Variants in FGF14 observed in about 807,000 individuals in gnomAD.
The protein encoded by FGF14 is fibroblast growth factor 14.
In FGF14, 5 loss-of-function variants were observed where a neutral mutation model predicts 25.5. The observed-to-expected ratio is 0.20, with a 90% CI of 0.10 to 0.41. FGF14 has a LOEUF of 0.41. Among genes scored for constraint, FGF14 ranks in the 10% least tolerant of loss-of-function variants. The pLI is 1.00. For missense variants in FGF14, 222 were observed against 320.1 expected (o/e 0.69, Z 2.34); for synonymous variants, 138 against 118.3 (o/e 1.17, Z -1.08).
chr13:102,132,289 T>C lies in FGF14; in HGVS notation c.209-256993A>G, dbSNP rs138087089. On this transcript the variant is annotated intron_variant, in intron 1 of 4. Transcript: ENST00000376131. ...CATAACATTAAAAGAAGAAAGAAAA[T>C]ACAAAATATTTTCTACCACAGTACT... 2.0e-3 allele frequency among the ~76,000 whole-genome samples: 305 copies of C among 152,038 alleles called. 3 individuals are homozygous for C. Among genetic ancestry groups the C allele is most frequent in the African/African-American group, 7.1e-3 (294 of 41,460 alleles).
intron 1 of FGF14, among the ~76,000 whole-genome samples, chr13:102,377,534 C>CCA (rs2058069087): frequency 6.6e-6 from 1 of 152,050 alleles, no homozygotes; most frequent in South Asian, 2.1e-4. Context: ...AAGGGCCAGG[C>CCA]GCAGTGGCTC....
chr13:102,247,748 C>G (rs1023082563), intron 1 of FGF14, among the ~76,000 whole-genome samples: 4 of 152,014 alleles, frequency 2.6e-5, no homozygotes, highest in African/African-American at 7.2e-5. Context: ...GGTATATACC[C>G]AAAGGAAAAT....
chr13:101,829,643 T>A (rs750711516), intron 3 of FGF14, among the ~76,000 whole-genome samples: 12 of 152,052 alleles, frequency 7.9e-5, no homozygotes, highest in Non-Finnish European at 1.8e-4. Flanking sequence ...GGAAAACTGA[T>A]GACCCAGGGC....
intron 1 of FGF14, among the ~76,000 whole-genome samples, chr13:102,027,820 T>C (rs1259474253): frequency 6.6e-6 from 1 of 152,042 alleles, no homozygotes; most frequent in African/African-American, 2.4e-5. Flanking sequence ...TTTACCTGTA[T>C]TTATTCTAGG....
intron 3 of FGF14, among the ~76,000 whole-genome samples, chr13:101,777,406 G>A (rs2039193910): frequency 6.6e-6 from 1 of 152,084 alleles, no homozygotes; most frequent in South Asian, 2.1e-4. Flanking sequence ...AGCAGTCTTG[G>A]TAATATCATA....
At chr13:102,385,075 A>G (rs868554936) in intron 1 of FGF14, among the ~76,000 whole-genome samples, 2 of 152,218 alleles carry the variant, frequency 1.3e-5, no homozygotes, top group African/African-American at 4.8e-5. Flanking sequence ...ATGATATACG[A>G]TATGTTAAAA....
chr13:102,068,015 G>A (rs1247765364), intron 1 of FGF14, among the ~76,000 whole-genome samples: 1 of 152,096 alleles, frequency 6.6e-6, no homozygotes, highest in Non-Finnish European at 1.5e-5. Context: ...GACGTTTAAA[G>A]TGCTGAAGGA....
At chr13:101,966,454 T>TAA (rs1345428321) in intron 1 of FGF14, among the ~76,000 whole-genome samples, 1 of 150,136 alleles carries the variant, frequency 6.7e-6, no homozygotes, top group Non-Finnish European at 1.5e-5. Flanking sequence ...CCAGAACTGT[T>TAA]AGAGAATAAA....
chr13:101,839,225 T>A (rs1415122296), intron 3 of FGF14, among the ~76,000 whole-genome samples: 1 of 152,048 alleles, frequency 6.6e-6, no homozygotes, highest in East Asian at 1.9e-4. Flanking sequence ...TTCAAAACCT[T>A]TTATTAATTT....
chr13:101,818,762 CA>C (rs2041967116), intron 3 of FGF14, among the ~76,000 whole-genome samples: 1 of 152,048 alleles, frequency 6.6e-6, no homozygotes, highest in Non-Finnish European at 1.5e-5. Flanking sequence ...TTAAGATAAA[CA>C]AAGGTCTATT....
chr13:102,034,686 A>C (rs2041383018), intron 1 of FGF14, among the ~76,000 whole-genome samples: 1 of 152,118 alleles, frequency 6.6e-6, no homozygotes, highest in African/African-American at 2.4e-5. Flanking sequence ...ACAGAAAACA[A>C]TCTTACATCT....
intron 3 of FGF14, among the ~76,000 whole-genome samples, chr13:101,867,794 G>A (rs991898621): frequency 5.9e-5 from 9 of 151,766 alleles, no homozygotes; most frequent in Admixed American, 4.6e-4. Flanking sequence ...AATCCACAGC[G>A]CAGACTTCAT....
Position 101,714,887 on chromosome 13 carries a change from T to C in FGF14, c.*7944A>G. 3.7e-6 allele frequency: 1 copy of C among 267,122 alleles called. No individual in the cohort carries two copies. The highest frequency in any genetic ancestry group is 7.1e-6 in the Non-Finnish European group (1 of 140,810). 16.5% of individuals were successfully genotyped at this position (267,122 alleles called of 1,614,324 possible). On this transcript the variant is annotated 3_prime_UTR_variant, in exon 5 of 5. Coordinates refer to ENST00000376143, the MANE Select transcript of FGF14 (RefSeq NM_004115.4). Reference sequence around the variant, plus strand: ...CAACCATTTTACTTTGAACATGGTATAGGGAATGAAATATTCTTTTAAACA... The same window carrying C: ...CAACCATTTTACTTTGAACATGGTACAGGGAATGAAATATTCTTTTAAACA...
intron 1 of FGF14, among the ~76,000 whole-genome samples, chr13:101,943,254 T>G (rs765687555): frequency 6.6e-6 from 1 of 152,186 alleles, no homozygotes; most frequent in African/African-American, 2.4e-5. Flanking sequence ...TATAATACTC[T>G]CCTGTTTTAG....
At chr13:102,104,441 G>A (rs1032761636) in intron 1 of FGF14, among the ~76,000 whole-genome samples, 5 of 152,114 alleles carry the variant, frequency 3.3e-5, no homozygotes, top group South Asian at 4.2e-4. Flanking sequence ...CTTATCTTCC[G>A]CTATAAATAA....
intron 3 of FGF14, among the ~76,000 whole-genome samples, chr13:101,768,519 T>C (rs941292839): frequency 4.0e-5 from 6 of 151,864 alleles, no homozygotes; most frequent in Admixed American, 6.6e-5. Context: ...CACCACAATA[T>C]TGAAGGAGAA....
intron 1 of FGF14, among the ~76,000 whole-genome samples, chr13:102,375,671 A>C (rs1566971677): frequency 6.6e-6 from 1 of 152,228 alleles, no homozygotes; most frequent in African/African-American, 2.4e-5. Context: ...AATTCCAGTA[A>C]GGAAAAATAT....
At chr13:101,965,563 G>C (rs538985804) in intron 1 of FGF14, among the ~76,000 whole-genome samples, 15 of 152,070 alleles carry the variant, frequency 9.9e-5, no homozygotes, top group Non-Finnish European at 1.8e-4. Flanking sequence ...TTTAAGTCTT[G>C]ACAATTTGGC....
intron 1 of FGF14, among the ~76,000 whole-genome samples, chr13:101,891,038 C>G (rs9554831): frequency 0.024 from 3,577 of 152,028 alleles, 161 homozygotes; most frequent in African/African-American, 0.08. Context: ...GCCCTTAGTA[C>G]AGGCTAAGCC....
Sources: gnomAD v4.1 joint callset for allele counts (sites outside exome capture counted in the v4.1 genomes callset) on GRCh38, gnomAD v4.1.1 for gene constraint, MANE v1.5 for transcripts, NCBI Gene and HGNC (gene_info 2026-07-23, HGNC 2026-07-21) for gene names.